EVL: variants seen among roughly 807,000 people sequenced by gnomAD.
The protein encoded by EVL is Enah/Vasp-like.
Under a neutral mutation model 59.6 loss-of-function variants are expected in EVL, and 21 were observed. That is an observed-to-expected ratio of 0.35 (90% CI 0.25 to 0.51). EVL has a LOEUF of 0.51. EVL is among the 20% of genes least tolerant of loss of function. EVL has a pLI of 0.97. For missense variants in EVL, 462 were observed against 546.6 expected (o/e 0.85, Z 1.54); for synonymous variants, 198 against 203.5 (o/e 0.97, Z 0.23).
At chr14:100,003,990 C>T (rs552783577) in intron 1 of EVL, among the ~76,000 whole-genome samples, 37 of 152,264 alleles carry the variant, frequency 2.4e-4, no homozygotes, top group African/African-American at 8.7e-4. Context: ...GATCACCTGA[C>T]ATCAGGAGTT....
intron 1 of EVL, among the ~76,000 whole-genome samples, chr14:100,006,675 C>T (rs2060984154): frequency 6.6e-6 from 1 of 151,960 alleles, no homozygotes; most frequent in Non-Finnish European, 1.5e-5. Flanking sequence ...CTGCTCTGTG[C>T]CATCCAAGAA....
upstream of EVL, among the ~76,000 whole-genome samples, chr14:100,061,038 T>A (rs1386254753): frequency 6.7e-6 from 1 of 150,178 alleles, no homozygotes; most frequent in African/African-American, 2.4e-5. Flanking sequence ...AAGACAAAGA[T>A]GTTTTTCAGA....
intron 1 of EVL, among the ~76,000 whole-genome samples, chr14:100,042,800 C>G (rs747557193): frequency 6.6e-6 from 1 of 152,192 alleles, no homozygotes; most frequent in African/African-American, 2.4e-5. Context: ...CTGATTGACC[C>G]CAGTTCCGGG....
chr14:100,141,297 C>T (rs532640846), intron 12 of EVL, 51 bp downstream of exon 12: 51 of 1,596,570 alleles, frequency 3.2e-5, no homozygotes, highest in Admixed American at 6.7e-5. Context: ...AGCCAGCAGG[C>T]GGGGGACCGT....
At chr14:100,117,270 G>T (rs1320862019) in intron 3 of EVL, among the ~76,000 whole-genome samples, 1 of 152,228 alleles carries the variant, frequency 6.6e-6, no homozygotes, top group Non-Finnish European at 1.5e-5. Context: ...CAGCTCCTGG[G>T]ATACCTCTCC....
At chr14:99,998,854 G>A (rs568556453) in intron 1 of EVL, among the ~76,000 whole-genome samples, 1 of 152,200 alleles carries the variant, frequency 6.6e-6, no homozygotes, top group South Asian at 2.1e-4. Context: ...GAGGAAATTG[G>A]TGTTTAGAAT....
intron 3 of EVL, among the ~76,000 whole-genome samples, chr14:100,118,196 C>A (rs1314537401): frequency 6.6e-6 from 1 of 152,150 alleles, no homozygotes; most frequent in Non-Finnish European, 1.5e-5. Context: ...CCTGACCGCC[C>A]GAGTCTCAGC....
At chr14:100,018,163 G>A (rs745765988) in intron 1 of EVL, among the ~76,000 whole-genome samples, 3 of 152,232 alleles carry the variant, frequency 2.0e-5, no homozygotes, top group Non-Finnish European at 4.4e-5. Flanking sequence ...ACACAATGTT[G>A]GATGCCACGC....
chr14:100,129,796 T>C, intron 7 of EVL, 112 bp downstream of exon 7: 1 of 1,399,748 alleles, frequency 7.1e-7, no homozygotes, highest in South Asian at 1.5e-5. Flanking sequence ...GTTCCCTGGG[T>C]TTAGCCAAGC....
In EVL at chr14:99,999,166, A is replaced by G. The variant is rs1176962319; in HGVS notation, c.5+27109A>G. ...TACTCTGTTGTGTCTACCATACATT[A>G]TTTGACCAGTCCCTTGCCAATGGAT... is the stretch of plus-strand genomic sequence containing the variant. On this transcript the variant is annotated intron_variant, in intron 1 of 13. Transcript: ENST00000402714. 2.0e-5 allele frequency among the ~76,000 whole-genome samples: 3 copies of G among 152,170 alleles called. No homozygotes were observed. In the East Asian group the frequency reaches 5.8e-4, roughly 29 times the overall value.
chr14:100,117,755 A>G (rs1390304620), intron 3 of EVL, among the ~76,000 whole-genome samples: 1 of 152,116 alleles, frequency 6.6e-6, no homozygotes, highest in Non-Finnish European at 1.5e-5. Flanking sequence ...TGTATTTTCT[A>G]AGTGCCACTG....
intron 1 of EVL, among the ~76,000 whole-genome samples, chr14:100,076,346 A>G (rs775860269): frequency 2.6e-5 from 4 of 152,190 alleles, no homozygotes; most frequent in Non-Finnish European, 4.4e-5. Context: ...AGTCATCTAC[A>G]CTGTGGTCTT....
chr14:100,085,175 G>A (rs1715232616), intron 2 of EVL: 1 of 213,136 alleles, frequency 4.7e-6, no homozygotes, highest in Admixed American at 5.6e-5. Context: ...GCAAAAATGT[G>A]TTCATCTTAT....
At position 100,108,314 on chromosome 14, in the gene EVL, T is replaced by C. The variant is rs1440509272; in HGVS notation, c.358+10656T>C. Among the ~76,000 whole-genome samples the C allele has an allele frequency of 6.6e-6, 1 of 152,138 alleles. No individual in the cohort carries two copies. Among genetic ancestry groups the C allele is most frequent in the Non-Finnish European group, 1.5e-5 (1 of 68,022 alleles). ...GAATTTTGCTTCTTGTAAACCTCTT[T>C]CCATTGGAAATTACCTCTTTCTCCC... On this transcript the variant is annotated intron_variant, in intron 3 of 13. Transcript: ENST00000392920. This position sits in a 1 kb window ranked among gnomAD's most constrained non-coding sequence, Gnocchi z 4.1.
intron 1 of EVL, among the ~76,000 whole-genome samples, chr14:99,973,041 TCTA>T (rs142622324): frequency 0.027 from 4,157 of 152,334 alleles, 82 homozygotes; most frequent in Non-Finnish European, 0.042. Flanking sequence ...GTGTACGCAT[TCTA>T]CTGTTACTAG....
intron 1 of EVL, among the ~76,000 whole-genome samples, chr14:100,068,397 G>A (rs1057090318): frequency 2.6e-5 from 4 of 152,208 alleles, no homozygotes; most frequent in Admixed American, 6.5e-5. Context: ...TGAATTTAGC[G>A]CGTATGTCAG....
At chr14:99,994,975 C>T (rs192953822) in intron 1 of EVL, among the ~76,000 whole-genome samples, 1 of 152,334 alleles carries the variant, frequency 6.6e-6, no homozygotes, top group East Asian at 1.9e-4. Flanking sequence ...TATCATCCCA[C>T]TCCCTTCTGG....
chr14:100,132,636 C>G lies in EVL; in HGVS notation c.840-83C>G, dbSNP rs1888507558. 4 of 1,471,904 alleles carry G rather than the reference C, an allele frequency of 2.7e-6. No individual in the cohort carries two copies. The South Asian group carries it at 4.5e-5, about 17-fold the overall frequency. The allele number at this position is 1,471,904 out of a possible 1,614,324, so 91.2% of individuals were successfully genotyped here. ...GGTTTATCTGAGGACCGGGGTGAGT[C>G]TGGCAGGGTGGAGGCAGAAGAGTTC... On this transcript the variant is annotated intron_variant, in intron 7 of 13. Coordinates refer to ENST00000392920, the MANE Select transcript of EVL (RefSeq NM_016337.3).
intron 1 of EVL, among the ~76,000 whole-genome samples, chr14:100,039,080 C>T (rs1034787458): frequency 6.6e-6 from 1 of 152,088 alleles, no homozygotes; most frequent in Non-Finnish European, 1.5e-5. Flanking sequence ...CAGGTAAGAA[C>T]ATTTGAGCTT....
Sources: allele counts gnomAD v4.1 joint callset (sites outside exome capture counted in the v4.1 genomes callset), GRCh38; gene constraint gnomAD v4.1.1; non-coding constraint Gnocchi (gnomAD v3.1); transcripts MANE v1.5; gene names NCBI Gene and HGNC (gene_info 2026-07-23, HGNC 2026-07-21).